NR1H4: variants seen among roughly 807,000 people sequenced by gnomAD.
NR1H4 encodes bile acid receptor.
NR1H4 carries 23 observed loss-of-function variants against 58.5 expected under a neutral mutation model. The observed-to-expected ratio is 0.39, with a 90% CI of 0.28 to 0.56. The LOEUF is 0.56. Among genes scored for constraint, NR1H4 ranks in the 20% least tolerant of loss-of-function variants. The pLI is 0.58. For synonymous variants in NR1H4, 214 were observed against 198.0 expected (o/e 1.08, Z -0.68); for missense variants, 487 against 576.9 (o/e 0.84, Z 1.60).
At chr12:100,559,704 G>A (rs1955419860) in intron 9 of NR1H4, among the ~76,000 whole-genome samples, 3 of 152,292 alleles carry the variant, frequency 2.0e-5, no homozygotes, top group East Asian at 3.9e-4. Flanking sequence ...CCTCCCCAAC[G>A]AGCACCACCC....
chr12:100,526,198 T>G (rs1429517307), intron 4 of NR1H4, among the ~76,000 whole-genome samples: 1 of 151,726 alleles, frequency 6.6e-6, no homozygotes, highest in Admixed American at 6.6e-5. Context: ...TAAGTATTTT[T>G]TTTTTTTGCT....
intron 4 of NR1H4, among the ~76,000 whole-genome samples, chr12:100,513,419 G>A (rs1023057314): frequency 3.3e-5 from 5 of 152,172 alleles, no homozygotes; most frequent in Non-Finnish European, 7.3e-5. Context: ...AGCTGGCAGA[G>A]CTGTGGAGAT....
intron 5 of NR1H4, among the ~76,000 whole-genome samples, chr12:100,533,945 G>A (rs1182861505): frequency 1.3e-5 from 2 of 150,882 alleles, no homozygotes; most frequent in African/African-American, 4.9e-5. Flanking sequence ...GCCGGACTGC[G>A]GACTGCAGTG....
intron 1 of NR1H4, among the ~76,000 whole-genome samples, chr12:100,476,239 G>A (rs887237613): frequency 1.3e-5 from 2 of 152,078 alleles, no homozygotes; most frequent in Admixed American, 6.5e-5. Context: ...ATCGGGGAGC[G>A]GCGAGGGGGG....
intron 4 of NR1H4, among the ~76,000 whole-genome samples, chr12:100,530,999 T>G (rs1455543820): frequency 6.6e-6 from 1 of 152,140 alleles, no homozygotes; most frequent in Non-Finnish European, 1.5e-5. Context: ...ACAGAGATTG[T>G]TAGATCAGAG....
In NR1H4 at chr12:100,532,605, A is replaced by G. The variant is rs1332481975; in HGVS notation, c.593A>G (p.Tyr198Cys). The G allele has an allele frequency of 1.2e-6, 2 of 1,613,994 alleles. No individual in the cohort carries two copies. The highest frequency in any genetic ancestry group is 8.5e-7 in the Non-Finnish European group (1 of 1,179,868). The part of the protein sequence containing the change: ...KEMGMLAECM[Y>C]TGLLTEIQCK... ...ATGGGAATGTTGGCTGAATGTATGT[A>G]TACAGGTATTCACTTCAAGCAATTA... The change falls in exon 5 of 11, where the codon TAT becomes TGT. Residue 198 changes from tyrosine to cysteine, a missense_variant. By Grantham distance (194) the Tyr-to-Cys change is radical (BLOSUM62 -2). Coordinates refer to ENST00000392986, the MANE Select transcript of NR1H4 (RefSeq NM_001206979.2).
chr12:100,515,331 C>T (rs1954237567), intron 4 of NR1H4, among the ~76,000 whole-genome samples: 1 of 151,996 alleles, frequency 6.6e-6, no homozygotes, highest in Non-Finnish European at 1.5e-5. Flanking sequence ...TCCACTATGC[C>T]CAGCTAATTT....
At chr12:100,558,983 G>A (rs1464688316) in intron 9 of NR1H4, among the ~76,000 whole-genome samples, 1 of 152,160 alleles carries the variant, frequency 6.6e-6, no homozygotes, top group African/African-American at 2.4e-5. Flanking sequence ...TATATTAAAT[G>A]CTTAAAATAT....
At position 100,532,399 on chromosome 12, in the gene NR1H4, G is replaced by T. The variant is rs1224943094; in HGVS notation, c.446-59G>T. The T allele has an allele frequency of 4.4e-6, 7 of 1,588,242 alleles. No individual in the cohort carries two copies. The East Asian group carries it at 1.6e-4, about 35-fold the overall frequency. On this transcript the variant is annotated intron_variant, in intron 4 of 10. Coordinates refer to ENST00000392986, the MANE Select transcript of NR1H4 (RefSeq NM_001206979.2). ...TCCTGGCATCTCTCAATCCAAACCT[G>T]TTTTTTTCCTGAGAAGCTGTGAGAG...
chr12:100,539,771 CAAAT>C (rs1954894736), intron 8 of NR1H4, among the ~76,000 whole-genome samples: 2 of 152,200 alleles, frequency 1.3e-5, no homozygotes, highest in African/African-American at 4.8e-5. Context: ...AACAAATAAG[CAAAT>C]AAATCTATAA....
At chr12:100,532,169 C>T (rs1343445604) in intron 4 of NR1H4, among the ~76,000 whole-genome samples, 34 of 152,028 alleles carry the variant, frequency 2.2e-4, no homozygotes, top group Admixed American at 2.2e-3. Flanking sequence ...TAGAATTGTC[C>T]CCCAATAAAG....
chr12:100,513,145 A>T (rs556784862), intron 4 of NR1H4, among the ~76,000 whole-genome samples: 4 of 152,298 alleles, frequency 2.6e-5, no homozygotes, highest in African/African-American at 9.6e-5. Flanking sequence ...GAACTTATAC[A>T]TTCGTTGGAA....
Position 100,503,710 on chromosome 12 carries a change from C to T in NR1H4, c.80-7068C>T, listed in dbSNP as rs528804890. Reference sequence around the variant, plus strand: ...ATGGGGATGAAATCCAAGGATGTTTCCCCTAATATTCTTCATAGACTCTTA... The same window carrying T: ...ATGGGGATGAAATCCAAGGATGTTTTCCCTAATATTCTTCATAGACTCTTA... On this transcript the variant is annotated intron_variant, in intron 3 of 10. Coordinates refer to ENST00000392986, the MANE Select transcript of NR1H4 (RefSeq NM_001206979.2). Among the ~76,000 whole-genome samples, 20 of 152,256 alleles carry T rather than the reference C, an allele frequency of 1.3e-4. No individual in the cohort carries two copies. The East Asian group carries it at 3.9e-3, about 29-fold the overall frequency.
At chr12:100,508,357 A>T (rs1447265454) in intron 3 of NR1H4, among the ~76,000 whole-genome samples, 9 of 152,144 alleles carry the variant, frequency 5.9e-5, no homozygotes, top group Non-Finnish European at 1.3e-4. Context: ...GTCATGCAGA[A>T]GCTTGCAGGC....
intron 4 of NR1H4, among the ~76,000 whole-genome samples, chr12:100,530,910 AC>A (rs1179062019): frequency 6.6e-6 from 1 of 152,302 alleles, no homozygotes; most frequent in South Asian, 2.1e-4. Context: ...TTTGTGTCTC[AC>A]TTTCACCCGA....
chr12:100,505,288 TG>T (rs1262247489), intron 3 of NR1H4, among the ~76,000 whole-genome samples: 1 of 152,214 alleles, frequency 6.6e-6, no homozygotes, highest in African/African-American at 2.4e-5. Flanking sequence ...ATTTCCCATT[TG>T]GGGGTACAGT....
intron 4 of NR1H4, among the ~76,000 whole-genome samples, chr12:100,522,181 A>T (rs1954441163): frequency 6.6e-6 from 1 of 152,000 alleles, no homozygotes; most frequent in South Asian, 2.1e-4. Context: ...AATGATGATG[A>T]TGGTGATGGT....
intron 3 of NR1H4, among the ~76,000 whole-genome samples, chr12:100,510,278 T>C (rs1954072899): frequency 6.6e-6 from 1 of 152,184 alleles, no homozygotes. Context: ...TTTAAAAAAC[T>C]GGAAAATATT....
At chr12:100,517,403 A>G (rs942847450) in intron 4 of NR1H4, among the ~76,000 whole-genome samples, 6 of 152,208 alleles carry the variant, frequency 3.9e-5, no homozygotes, top group African/African-American at 1.4e-4. Context: ...TTATGTATAC[A>G]TACCACATTT....
Sources: allele counts gnomAD v4.1 joint callset (sites outside exome capture counted in the v4.1 genomes callset), GRCh38; gene constraint gnomAD v4.1.1; transcripts MANE v1.5; gene names NCBI Gene and HGNC (gene_info 2026-07-23, HGNC 2026-07-21).